The following ARFGEF1 variants were observed in gnomAD, a reference collection of about 807,000 sequenced individuals.
ARFGEF1 encodes brefeldin A-inhibited guanine nucleotide-exchange protein 1.
ARFGEF1 carries 42 observed loss-of-function variants against 231.0 expected under a neutral mutation model. The observed-to-expected ratio is 0.18, with a 90% CI of 0.14 to 0.24. The LOEUF (loss-of-function observed/expected upper bound fraction) is 0.24. Among genes scored for constraint, ARFGEF1 ranks in the 10% least tolerant of loss-of-function variants. The pLI is 1.00. For synonymous variants in ARFGEF1, 710 were observed against 732.3 expected, an observed-to-expected ratio of 0.97 and a Z score of 0.49; for missense variants, 1,345 against 2,192.0, an observed-to-expected ratio of 0.61 and a Z score of 7.72.
chr8:67,206,880 A>C (rs1477632769), intron 34 of ARFGEF1, among the ~76,000 whole-genome samples: 3 of 152,208 alleles, frequency 2.0e-5, no homozygotes, highest in Non-Finnish European at 1.5e-5. Context: ...ACTATGAAAA[A>C]CATTTTACTA....
At chr8:67,252,044 CG>C (rs1840301591) in intron 18 of ARFGEF1, among the ~76,000 whole-genome samples, 1 of 151,894 alleles carries the variant, frequency 6.6e-6, no homozygotes, top group Non-Finnish European at 1.5e-5. Context: ...CCAAGGCAGG[CG>C]GATCACCTGA....
intron 1 of ARFGEF1, among the ~76,000 whole-genome samples, chr8:67,322,233 C>T (rs955292598): frequency 1.3e-5 from 2 of 152,224 alleles, no homozygotes; most frequent in Admixed American, 6.5e-5. Context: ...CATCTCCTAC[C>T]ATTCCTGCTG....
Position 67,204,752 on chromosome 8 carries a change from C to G in ARFGEF1, c.4887G>C (p.Gln1629His), listed in dbSNP as rs1438619127. The change falls in exon 35 of 39, where the codon CAG (glutamine) becomes CAC (histidine). Residue 1629 changes from glutamine to histidine, a missense_variant. Physicochemically the swap from Gln to His is conservative, Grantham distance 24. Around this residue, in one of 14 missense-constraint regions of ARFGEF1, gnomAD observed 161 missense variants for 284.9 expected, o/e 0.57. Transcript: ENST00000262215. The part of the protein sequence containing the change: ...IKCVVQLELI[Q>H]TIDNIVFFPA... ...GGAAGAAGACAATGTTGTCGATAGT[C>G]TGGATGAGTTCCAGCTGCACAACAC... 3 of 1,613,882 alleles carry G rather than the reference C, an allele frequency of 1.9e-6. No individual in the cohort carries two copies. The African/African-American group carries it at 4.0e-5, about 22-fold the overall frequency.
intron 14 of ARFGEF1, among the ~76,000 whole-genome samples, chr8:67,265,531 G>A (rs929880921): frequency 1.3e-5 from 2 of 152,038 alleles, no homozygotes; most frequent in South Asian, 2.1e-4. Flanking sequence ...ATTAGGATCC[G>A]GTACACTAGC....
In ARFGEF1 at chr8:67,240,122, A is replaced by C. The variant is rs778001009; in HGVS notation, c.2979+40T>G. ...AACTATTGTAATGGCATAGGTAATT[A>C]ATGTTCCAAACTGGCTACAAAGACA... On this transcript the variant is annotated intron_variant, in intron 20 of 38. Transcript: ENST00000262215. The C allele has an allele frequency of 2.8e-5, 44 of 1,595,682 alleles. No homozygotes were observed. In the South Asian group the frequency reaches 5.0e-4, roughly 18 times the overall value.
rs143114427 is a variant in ARFGEF1, at chr8:67,272,230, G to A, written c.1338-294C>T. On this transcript the variant is annotated intron_variant, in intron 9 of 38. Transcript: ENST00000262215. Reference sequence around the variant, plus strand: ...TCTGTCACCAAGGCTGGAGTGCAGCGATCTCAGCTCACTGAAACCTCTGCC... The same window carrying A: ...TCTGTCACCAAGGCTGGAGTGCAGCAATCTCAGCTCACTGAAACCTCTGCC... Among the ~76,000 whole-genome samples the A allele has an allele frequency of 2.5e-3, 387 of 152,098 alleles. 7 individuals are homozygous for A. The East Asian group carries it at 0.037, about 14-fold the overall frequency.
At chr8:67,226,480 C>T (rs1839376165) in intron 27 of ARFGEF1, among the ~76,000 whole-genome samples, 1 of 152,036 alleles carries the variant, frequency 6.6e-6, no homozygotes, top group Non-Finnish European at 1.5e-5. Flanking sequence ...TACTTAACCT[C>T]TCTGTATCTC....
chr8:67,271,969 AC>A, intron 9 of ARFGEF1, 33 bp from the exon 10 acceptor site: 2 of 1,392,776 alleles, frequency 1.4e-6, no homozygotes, highest in Admixed American at 3.9e-5. Context: ...TAGTATATGA[AC>A]AAGGTTGGCA....
chr8:67,228,282 C>T lies in ARFGEF1; in HGVS notation c.3381-18G>A. 4 of 1,596,616 alleles carry T rather than the reference C, an allele frequency of 2.5e-6. No homozygotes were observed. The highest frequency in any genetic ancestry group is 3.4e-6 in the Non-Finnish European group (4 of 1,168,544). ...TGAATATTCTAGGGAAAATAAAACA[C>T]AATTTAAAAAATTTATAAGTTACTG... is the stretch of plus-strand genomic sequence containing the variant. On this transcript the variant is annotated intron_variant, in intron 23 of 38. Coordinates refer to ENST00000262215, the MANE Select transcript of ARFGEF1 (RefSeq NM_006421.5).
Position 67,258,295 on chromosome 8 carries a change from A to G in ARFGEF1, c.2236-5T>C, listed in dbSNP as rs1334618687. 2 of 1,543,500 alleles carry G rather than the reference A, an allele frequency of 1.3e-6. No homozygotes were observed. Among genetic ancestry groups the G allele is most frequent in the South Asian group, 2.4e-5 (2 of 85,086 alleles). On this transcript the variant is annotated splice_region_variant and splice_polypyrimidine_tract_variant and intron_variant, in intron 15 of 38. Coordinates refer to ENST00000262215, the MANE Select transcript of ARFGEF1 (RefSeq NM_006421.5). Reference sequence around the variant, plus strand: ...CAGGAACTCACCCACTTGAGTCTAAAGTAAAAACAGAGATAGAAATTGATA... The same window carrying G: ...CAGGAACTCACCCACTTGAGTCTAAGGTAAAAACAGAGATAGAAATTGATA...
intron 19 of ARFGEF1, among the ~76,000 whole-genome samples, chr8:67,240,843 T>C (rs1839906313): frequency 6.6e-6 from 1 of 152,194 alleles, no homozygotes; most frequent in Non-Finnish European, 1.5e-5. Flanking sequence ...ACTTCCTCAT[T>C]ATACACTGTG....
exon 6 of ARFGEF1, chr8:67,175,555 T>G (rs1384925684): frequency 1.7e-6 from 2 of 1,200,732 alleles, no homozygotes; most frequent in Admixed American, 1.9e-5. Context: ...AGCCCCATGC[T>G]CACAGGGTCC....
At chr8:67,242,759 G>C (rs1201943188) in intron 19 of ARFGEF1, among the ~76,000 whole-genome samples, 1 of 152,092 alleles carries the variant, frequency 6.6e-6, no homozygotes, top group Non-Finnish European at 1.5e-5. Context: ...TGGCATTTCT[G>C]TACCTGCCCT....
downstream of ARFGEF1, chr8:67,193,358 A>C: frequency 2.1e-6 from 2 of 967,126 alleles, no homozygotes; most frequent in African/African-American, 1.6e-5. Flanking sequence ...CGGCTTCCCA[A>C]AGTGCTGGGA....
At chr8:67,265,347 A>G (rs1804808392) in intron 14 of ARFGEF1, among the ~76,000 whole-genome samples, 1 of 152,022 alleles carries the variant, frequency 6.6e-6, no homozygotes, top group Admixed American at 6.6e-5. Context: ...TTTTAAGTTT[A>G]TAATAGTTAG....
At chr8:67,190,820 C>A in intron 5 of ARFGEF1, 1 of 1,231,726 alleles carries the variant, frequency 8.1e-7, no homozygotes, top group East Asian at 2.3e-5. Flanking sequence ...TGGGTTCTGA[C>A]CTGTGCTAAA....
chr8:67,290,468 T>C (rs749755631), intron 6 of ARFGEF1, among the ~76,000 whole-genome samples: 4 of 152,228 alleles, frequency 2.6e-5, no homozygotes, highest in Admixed American at 6.5e-5. Context: ...TCAGCAGAAT[T>C]ACTTTGTGCA....
chr8:67,332,839 C>T (rs988307946), intron 1 of ARFGEF1, among the ~76,000 whole-genome samples: 2 of 152,056 alleles, frequency 1.3e-5, no homozygotes, highest in African/African-American at 2.4e-5. Context: ...AGGTCATATT[C>T]GAATTCTGCC....
chr8:67,247,096 A>G (rs1840130641), intron 19 of ARFGEF1, among the ~76,000 whole-genome samples: 1 of 150,410 alleles, frequency 6.6e-6, no homozygotes, highest in African/African-American at 2.5e-5. Flanking sequence ...GATCAAAGCC[A>G]TAACAAAAAG....
Sources: allele counts gnomAD v4.1 joint callset (sites outside exome capture counted in the v4.1 genomes callset), GRCh38; gene constraint gnomAD v4.1.1; regional missense constraint gnomAD v4.1.1; transcripts MANE v1.5; gene names NCBI Gene and HGNC (gene_info 2026-07-23, HGNC 2026-07-21).